Variants in USP30 observed in about 807,000 individuals in gnomAD.
USP30 encodes ubiquitin specific peptidase 30.
USP30 carries 41 observed loss-of-function variants against 68.2 expected under a neutral mutation model. The ratio of observed to expected loss-of-function variants is 0.60; its 90% confidence interval spans 0.47 to 0.78. The LOEUF is 0.78. Among genes scored for constraint, USP30 ranks in the 30% least tolerant of loss-of-function variants. USP30 has a pLI of 0.00. For synonymous variants in USP30, 229 were observed against 253.7 expected, an observed-to-expected ratio of 0.90 and a Z score of 0.93; for missense variants, 522 against 649.4, an observed-to-expected ratio of 0.80 and a Z score of 2.13.
In USP30 at chr12:109,085,946, A is replaced by G. The variant is rs1275763082; in HGVS notation, c.*15A>G. ...CTGAAGAATGACTGTGCCCTCCTGCAAGGCTAGAGCTGATGGCACTGTCTG... is the reference window on the plus strand; with the variant it reads ...CTGAAGAATGACTGTGCCCTCCTGCGAGGCTAGAGCTGATGGCACTGTCTG... On this transcript the variant is annotated 3_prime_UTR_variant, in exon 13 of 13. Coordinates refer to ENST00000257548, the MANE Select transcript of USP30 (RefSeq NM_032663.5). The G allele has an allele frequency of 5.0e-6, 8 of 1,610,236 alleles. No individual in the cohort carries two copies. The highest frequency in any genetic ancestry group is 6.8e-6 in the Non-Finnish European group (8 of 1,177,888).
intron 3 of USP30, among the ~76,000 whole-genome samples, chr12:109,033,446 A>G (rs1334935605): frequency 6.6e-6 from 1 of 152,200 alleles, no homozygotes; most frequent in Non-Finnish European, 1.5e-5. Flanking sequence ...TGTTTTAGTA[A>G]CACTGGTTTC....
At chr12:109,081,872 C>A in intron 8 of USP30, 61 bp from the exon 9 acceptor site, 1 of 1,519,072 alleles carries the variant, frequency 6.6e-7, no homozygotes. Flanking sequence ...CTGCCATCTG[C>A]TAACAGTTTC....
At position 109,037,055 on chromosome 12, in the gene USP30, TG is replaced by T. The variant is rs922147673; in HGVS notation, c.-136+9500del. 2.1e-3 allele frequency among the ~76,000 whole-genome samples: 316 copies of T among 152,318 alleles called. 2 individuals carry two copies. Among genetic ancestry groups the T allele is most frequent in the African/African-American group, 7.4e-3 (308 of 41,570 alleles). ...TCCTTTCTTTCTGGAATTACCATTA[TG>T]CCTAAATTGGTATGCCTGATGGAGT... On this transcript the variant is annotated intron_variant, in intron 3 of 15. Coordinates refer to the USP30 transcript ENST00000392784.
intron 3 of USP30, among the ~76,000 whole-genome samples, chr12:109,038,151 C>T (rs2040534919): frequency 6.6e-6 from 1 of 151,578 alleles, no homozygotes; most frequent in Admixed American, 6.6e-5. Flanking sequence ...GCTGTTATTT[C>T]TGATGCTCTC....
chr12:109,077,077 C>T (rs2041633822), intron 7 of USP30, among the ~76,000 whole-genome samples: 1 of 152,014 alleles, frequency 6.6e-6, no homozygotes. Context: ...TGGGATAAAC[C>T]CCACTTGATC....
chr12:109,048,809 A>AGGG (rs1488521583), upstream of USP30, among the ~76,000 whole-genome samples: 1 of 152,092 alleles, frequency 6.6e-6, no homozygotes, highest in Non-Finnish European at 1.5e-5. Context: ...CTTTAAGTGC[A>AGGG]GGGGTGTGTA....
chr12:109,057,897 TTC>T (rs1245317794), intron 2 of USP30, 27 bp from the exon 3 acceptor site: 1 of 1,603,768 alleles, frequency 6.2e-7, no homozygotes, highest in African/African-American at 1.3e-5. Context: ...TGATATACTG[TTC>T]TCTTCTTCCC....
chr12:109,049,921 T>G (rs1222641207), upstream of USP30, among the ~76,000 whole-genome samples: 1 of 152,200 alleles, frequency 6.6e-6, no homozygotes, highest in East Asian at 1.9e-4. Context: ...CCAATAGACT[T>G]GCTGTAGTCA....
chr12:109,036,902 G>C (rs2040525006), intron 3 of USP30, among the ~76,000 whole-genome samples: 1 of 152,028 alleles, frequency 6.6e-6, no homozygotes, highest in Non-Finnish European at 1.5e-5. Flanking sequence ...TCTAGATGTG[G>C]ACCTCTTTGA....
chr12:109,032,245 A>G (rs546927969), intron 3 of USP30, among the ~76,000 whole-genome samples: 1 of 152,274 alleles, frequency 6.6e-6, no homozygotes, highest in East Asian at 1.9e-4. Flanking sequence ...CAGAGGTTGC[A>G]GTGAGCCAAG....
In USP30 at chr12:109,052,761, G is replaced by A; in HGVS notation, c.83G>A (p.Arg28Lys). 1.4e-6 allele frequency: 2 copies of A among 1,450,374 alleles called. No homozygotes were observed. Among genetic ancestry groups the A allele is most frequent in the Non-Finnish European group, 1.8e-6 (2 of 1,102,094 alleles). 89.8% of individuals were successfully genotyped at this position (1,450,374 alleles called of 1,614,324 possible). ...TTCCTGCGGACCGGGGCGGCCGTCA[G>A]GTGAGATTTTGGGGGGCGGGGCTGC... ...QRFLRTGAAV[R>K]YKVMKNWGVI... Residue 28 changes from arginine (R) to lysine (K), a missense_variant and splice_region_variant, in exon 1 of 13, where the codon AGA becomes AAA. By Grantham distance (26) the Arg-to-Lys change is conservative. Coordinates refer to ENST00000257548, the MANE Select transcript of USP30 (RefSeq NM_032663.5).
rs143667153 is a variant in USP30 at position 109,054,515 on chromosome 12, G to A, written c.83+1754G>A. Among the ~76,000 whole-genome samples the A allele has an allele frequency of 3.4e-3, 498 of 144,486 alleles. 5 individuals are homozygous for A. The highest frequency in any genetic ancestry group is 0.023 in the South Asian group (102 of 4,342). The allele number at this position is 144,486 out of a possible 152,430, so 94.8% of individuals were successfully genotyped here. On this transcript the variant is annotated intron_variant, in intron 1 of 12. Coordinates refer to ENST00000257548, the MANE Select transcript of USP30 (RefSeq NM_032663.5). Reference sequence around the variant, plus strand: ...CAGCCTGGGCACTAGAGCAACTAGAGCAAGACACTGTCTCAAAAAAAAATA... The same window carrying A: ...CAGCCTGGGCACTAGAGCAACTAGAACAAGACACTGTCTCAAAAAAAAATA...
chr12:109,045,476 C>T (rs2040596604), intron 3 of USP30, among the ~76,000 whole-genome samples: 1 of 152,090 alleles, frequency 6.6e-6, no homozygotes, highest in South Asian at 2.1e-4. Flanking sequence ...AGCCTGAGGG[C>T]TCAGGTCGGA....
chr12:109,085,169 G>T, intron 12 of USP30, 96 bp downstream of exon 12: 7 of 1,237,662 alleles, frequency 5.7e-6, no homozygotes, highest in South Asian at 2.6e-5. Context: ...AAATATAGAT[G>T]TTTATTTTTC....
At chr12:109,028,796 T>A (rs1182462510) in intron 3 of USP30, among the ~76,000 whole-genome samples, 2 of 152,062 alleles carry the variant, frequency 1.3e-5, no homozygotes, top group Non-Finnish European at 2.9e-5. Flanking sequence ...TTTTAAACAA[T>A]CAGATGTCTT....
At chr12:109,044,558 G>A (rs1228594058) in intron 3 of USP30, among the ~76,000 whole-genome samples, 1 of 151,942 alleles carries the variant, frequency 6.6e-6, no homozygotes, top group Non-Finnish European at 1.5e-5. Context: ...GATCATCTGA[G>A]CTCTGGAGTT....
chr12:109,047,466 C>T (rs960400931), intron 3 of USP30: 5 of 152,076 alleles, frequency 3.3e-5, no homozygotes, highest in Admixed American at 6.5e-5. Context: ...CCAAAACAAC[C>T]GCATGAGGAA....
chr12:109,081,658 CACACAG>C (rs2041806403), intron 8 of USP30: 2 of 586,460 alleles, frequency 3.4e-6, no homozygotes, highest in Non-Finnish European at 6.0e-6. Flanking sequence ...CACACACACA[CACACAG>C]ACATTAACCT....
At chr12:109,068,943 T>G (rs544607056) in intron 4 of USP30, among the ~76,000 whole-genome samples, 5 of 152,368 alleles carry the variant, frequency 3.3e-5, no homozygotes, top group African/African-American at 1.2e-4. Context: ...TCAACCCATT[T>G]TCTTTGTCTA....
Sources: gnomAD v4.1 joint callset for allele counts (sites outside exome capture counted in the v4.1 genomes callset) on GRCh38, gnomAD v4.1.1 for gene constraint, MANE v1.5 for transcripts, NCBI Gene and HGNC (gene_info 2026-07-23, HGNC 2026-07-21) for gene names.